Variants in H1-4 observed in about 807,000 individuals in gnomAD.
H1-4 encodes H1.4 linker histone, cluster member, also known as histone H1.4.
H1-4 carries 9 observed loss-of-function variants against 7.2 expected under a neutral mutation model. That is an observed-to-expected ratio of 1.25 (90% CI 0.75 to 2.18). The LOEUF (loss-of-function observed/expected upper bound fraction) is 2.18. Among genes scored for constraint, H1-4 ranks in the 30% most tolerant of loss-of-function variants. The pLI, the probability that H1-4 is intolerant of heterozygous loss-of-function variation, is 0.00. For missense variants in H1-4, 646 were observed against 287.9 expected, an observed-to-expected ratio of 2.24 and a Z score of -9.00; for synonymous variants, 318 against 126.6, an observed-to-expected ratio of 2.51 and a Z score of -10.15.
Position 26,157,114 on chromosome 6 carries a change from C to T in H1-4, c.*64C>T, listed in dbSNP as rs1310120623. On this transcript the variant is annotated 3_prime_UTR_variant, in exon 1 of 1. Transcript: ENST00000304218. ...CCCAAAGGCTCTTTTCAGAGCCACC[C>T]ACCGCTCTCAGTAAAAGAGCTGTTG... is the stretch of plus-strand genomic sequence containing the variant. 3 of 1,533,092 alleles carry T rather than the reference C, an allele frequency of 2.0e-6. No homozygotes were observed. Among genetic ancestry groups the T allele is most frequent in the East Asian group, 4.5e-5 (2 of 44,268 alleles). 95.0% of individuals were successfully genotyped at this position (1,533,092 alleles called of 1,614,324 possible). A position where few individuals can be genotyped will look rare whatever the true frequency, so the allele number is the denominator to read the frequency against.
chr6:26,157,003 A>C lies in H1-4; in HGVS notation c.613A>C (p.Lys205Gln), dbSNP rs770728012. The change falls in exon 1 of 1, where the codon AAG becomes CAG. Residue 205 changes from lysine (K) to glutamine (Q), a missense_variant. Lys to Gln is a moderately conservative substitution (Grantham distance 53). Transcript: ENST00000304218. ...KPKAAKPKTA[K>Q]PKAAKPKKAA... Reference sequence around the variant, plus strand: ...CAAGGCGGCTAAACCAAAGACCGCCAAGCCCAAGGCAGCCAAGCCAAAGAA... The same window carrying C: ...CAAGGCGGCTAAACCAAAGACCGCCCAGCCCAAGGCAGCCAAGCCAAAGAA... The C allele has an allele frequency of 5.6e-6, 9 of 1,600,728 alleles. No homozygotes were observed. The Admixed American group carries it at 7.2e-5, about 13-fold the overall frequency.
At position 26,156,873 on chromosome 6, in the gene H1-4, G is replaced by C; in HGVS notation, c.483G>C (p.Pro161=). ...AGACCCCAAAGAAGGCGAAGAAGCC[G>C]GCTGCAGCTGCTGGAGCCAAAAAAG... The part of the protein sequence containing the change: ...AKKTPKKAKK[P]AAAAGAKKAK... The change falls in exon 1 of 1, where the codon CCG becomes CCC. Residue 161 remains proline, a synonymous_variant. Coordinates refer to ENST00000304218, the MANE Select transcript of H1-4 (RefSeq NM_005321.3). 2 of 1,608,102 alleles carry C rather than the reference G, an allele frequency of 1.2e-6. No homozygotes were observed. The highest frequency in any genetic ancestry group is 1.7e-6 in the Non-Finnish European group (2 of 1,177,994).
In H1-4 at chr6:26,156,358, C is replaced by G. The variant is rs2298088; in HGVS notation, c.-33C>G. On this transcript the variant is annotated 5_prime_UTR_variant, in exon 1 of 1. Transcript: ENST00000304218. ...TCCCGGCCAGTGCCTCTGCTTCCGGCTCGAATTGCTCTCGCTCACGCTTGC... is the reference window on the plus strand; with the variant it reads ...TCCCGGCCAGTGCCTCTGCTTCCGGGTCGAATTGCTCTCGCTCACGCTTGC... The G allele has an allele frequency of 1.3e-6, 2 of 1,517,200 alleles. No homozygotes were observed. The highest frequency in any genetic ancestry group is 8.8e-7 in the Non-Finnish European group (1 of 1,137,642). 94.0% of individuals were successfully genotyped at this position (1,517,200 alleles called of 1,614,324 possible). A position where few individuals can be genotyped will look rare whatever the true frequency, so the allele number is the denominator to read the frequency against.
chr6:26,156,724 G>A lies in H1-4; in HGVS notation c.334G>A (p.Ala112Thr), dbSNP rs771584728. 5.0e-6 allele frequency: 8 copies of A among 1,614,062 alleles called. No homozygotes were observed. The Admixed American group carries it at 8.3e-5, about 17-fold the overall frequency. The change falls in exon 1 of 1, where the codon GCC (alanine) becomes ACC (threonine). Residue 112 changes from alanine to threonine, a missense_variant. Physicochemically the swap from Ala to Thr is moderately conservative, Grantham distance 58 (BLOSUM62 0). Coordinates refer to ENST00000304218, the MANE Select transcript of H1-4 (RefSeq NM_005321.3). Reference sequence around the variant, plus strand: ...TTCCTTCAAACTCAACAAGAAGGCGGCCTCTGGGGAAGCCAAGCCTAAGGC... The same window carrying A: ...TTCCTTCAAACTCAACAAGAAGGCGACCTCTGGGGAAGCCAAGCCTAAGGC... ...SGSFKLNKKA[A>T]SGEAKPKAKK...
Position 26,156,827 on chromosome 6 carries a change from C to A in H1-4, c.437C>A (p.Thr146Asn), listed in dbSNP as rs200744473. ...KKPKKATGAATPKKSAKKTPK... is the reference protein window; with the variant it reads ...KKPKKATGAANPKKSAKKTPK... ...CCCAAGAAGGCGACGGGGGCGGCCACCCCCAAGAAGAGCGCCAAGAAGACC... is the reference window on the plus strand; with the variant it reads ...CCCAAGAAGGCGACGGGGGCGGCCAACCCCAAGAAGAGCGCCAAGAAGACC... Residue 146 changes from threonine to asparagine, a missense_variant, in exon 1 of 1, where the codon ACC becomes AAC. Thr to Asn is a moderately conservative substitution (Grantham distance 65). Coordinates refer to ENST00000304218, the MANE Select transcript of H1-4 (RefSeq NM_005321.3). 1 of 1,606,826 alleles carries A rather than the reference C, an allele frequency of 6.2e-7. No individual in the cohort carries two copies. The highest frequency in any genetic ancestry group is 8.5e-7 in the Non-Finnish European group (1 of 1,176,870).
Position 26,156,642 on chromosome 6 carries a change from C to T in H1-4, c.252C>T (p.Leu84=), listed in dbSNP as rs758446293. 2.0e-5 allele frequency: 32 copies of T among 1,614,152 alleles called. No individual in the cohort carries two copies. The Admixed American group carries it at 4.5e-4, about 23-fold the overall frequency. The part of the protein sequence containing the change: ...EKNNSRIKLG[L]KSLVSKGTLV... ...ACAACAGCCGCATCAAGCTGGGTCTCAAGAGCCTGGTGAGCAAGGGCACCC... is the reference window on the plus strand; with the variant it reads ...ACAACAGCCGCATCAAGCTGGGTCTTAAGAGCCTGGTGAGCAAGGGCACCC... The change falls in exon 1 of 1, where the codon CTC becomes CTT. Residue 84 remains leucine (L), a synonymous_variant. Coordinates refer to ENST00000304218, the MANE Select transcript of H1-4 (RefSeq NM_005321.3).
At position 26,156,723 on chromosome 6, in the gene H1-4, G is replaced by C. The variant is rs749668689; in HGVS notation, c.333G>C (p.Ala111=). The part of the protein sequence containing the change: ...ASGSFKLNKK[A]ASGEAKPKAK... ...GTTCCTTCAAACTCAACAAGAAGGC[G>C]GCCTCTGGGGAAGCCAAGCCTAAGG... Residue 111 remains alanine, a synonymous_variant, in exon 1 of 1, where the codon GCG becomes GCC. Transcript: ENST00000304218. 22 of 1,614,070 alleles carry C rather than the reference G, an allele frequency of 1.4e-5. No homozygotes were observed. The Admixed American group carries it at 3.3e-4, about 24-fold the overall frequency.
Position 26,157,073 on chromosome 6 carries a change from T to A in H1-4, c.*23T>A, listed in dbSNP as rs759946389. ...TAGAAAGTTCCTTTGGCCAACTGCT[T>A]AGAAGCCCAACACAACCCAAAGGCT... On this transcript the variant is annotated 3_prime_UTR_variant, in exon 1 of 1. Transcript: ENST00000304218. 2 of 1,572,216 alleles carry A rather than the reference T, an allele frequency of 1.3e-6. No individual in the cohort carries two copies. The highest frequency in any genetic ancestry group is 1.7e-6 in the Non-Finnish European group (2 of 1,168,540).
At position 26,156,647 on chromosome 6, in the gene H1-4, G is replaced by C. The variant is rs1326715184; in HGVS notation, c.257G>C (p.Ser86Thr). Residue 86 changes from serine to threonine, a missense_variant, in exon 1 of 1, where the codon AGC becomes ACC. Coordinates refer to ENST00000304218, the MANE Select transcript of H1-4 (RefSeq NM_005321.3). The part of the protein sequence containing the change: ...NNSRIKLGLK[S>T]LVSKGTLVQT... ...AGCCGCATCAAGCTGGGTCTCAAGA[G>C]CCTGGTGAGCAAGGGCACCCTGGTG... 6 of 1,614,262 alleles carry C rather than the reference G, an allele frequency of 3.7e-6. No individual in the cohort carries two copies. Among genetic ancestry groups the C allele is most frequent in the South Asian group, 1.1e-5 (1 of 91,086 alleles).
In H1-4 at chr6:26,156,338, G is replaced by A; in HGVS notation, c.-53G>A. The A allele has an allele frequency of 1.4e-6, 2 of 1,479,196 alleles. No individual in the cohort carries two copies. Among genetic ancestry groups the A allele is most frequent in the East Asian group, 2.3e-5 (1 of 43,870 alleles). The allele number at this position is 1,479,196 out of a possible 1,614,324, so 91.6% of individuals were successfully genotyped here. Reference sequence around the variant, plus strand: ...GCGCAGCGCCGCGGCTCGAGTCCCGGCCAGTGCCTCTGCTTCCGGCTCGAA... The same window carrying A: ...GCGCAGCGCCGCGGCTCGAGTCCCGACCAGTGCCTCTGCTTCCGGCTCGAA... On this transcript the variant is annotated 5_prime_UTR_variant, in exon 1 of 1. Transcript: ENST00000304218.
In H1-4 at chr6:26,156,740, A is replaced by G. The variant is rs36026202; in HGVS notation, c.350A>G (p.Lys117Arg). The change falls in exon 1 of 1, where the codon AAG becomes AGG. Residue 117 changes from lysine to arginine, a missense_variant. Coordinates refer to ENST00000304218, the MANE Select transcript of H1-4 (RefSeq NM_005321.3). Reference sequence around the variant, plus strand: ...AAGAAGGCGGCCTCTGGGGAAGCCAAGCCTAAGGCTAAAAAGGCAGGCGCG... The same window carrying G: ...AAGAAGGCGGCCTCTGGGGAAGCCAGGCCTAAGGCTAAAAAGGCAGGCGCG... ...LNKKAASGEA[K>R]PKAKKAGAAK... The G allele has an allele frequency of 2.3e-5, 37 of 1,614,146 alleles. No homozygotes were observed. In the African/African-American group the frequency reaches 4.1e-4, roughly 18 times the overall value.
Position 26,157,111 on chromosome 6 carries a change from A to AC in H1-4, c.*64dup. The AC allele has an allele frequency of 6.5e-7, 1 of 1,536,566 alleles. No homozygotes were observed. Among genetic ancestry groups the AC allele is most frequent in the Non-Finnish European group, 8.7e-7 (1 of 1,150,020 alleles). On this transcript the variant is annotated 3_prime_UTR_variant, in exon 1 of 1. Coordinates refer to ENST00000304218, the MANE Select transcript of H1-4 (RefSeq NM_005321.3). ...CAACCCAAAGGCTCTTTTCAGAGCCACCCACCGCTCTCAGTAAAAGAGCTG... is the reference window on the plus strand; with the variant it reads ...CAACCCAAAGGCTCTTTTCAGAGCCACCCCACCGCTCTCAGTAAAAGAGCTG...
At position 26,156,526 on chromosome 6, in the gene H1-4, A is replaced by T; in HGVS notation, c.136A>T (p.Lys46Ter). ...SGPPVSELIT[K>*]AVAASKERSG... ...GCCCCCGGTGTCCGAGCTCATTACT[A>T]AAGCTGTTGCCGCCTCCAAGGAGCG... Residue 46 changes from lysine (K) to a stop codon, truncating the protein, a stop_gained, in exon 1 of 1, where the codon AAA becomes TAA. Transcript: ENST00000304218. LOFTEE classifies it high-confidence loss of function. The T allele has an allele frequency of 6.2e-7, 1 of 1,614,018 alleles. No homozygotes were observed. Among genetic ancestry groups the T allele is most frequent in the Non-Finnish European group, 8.5e-7 (1 of 1,179,972 alleles).
Position 26,156,381 on chromosome 6 carries a change from T to G in H1-4, c.-10T>G. 1.3e-6 allele frequency: 2 copies of G among 1,549,614 alleles called. No individual in the cohort carries two copies. The highest frequency in any genetic ancestry group is 2.7e-5 in the African/African-American group (2 of 72,808). On this transcript the variant is annotated 5_prime_UTR_variant, in exon 1 of 1. Transcript: ENST00000304218. ...GGCTCGAATTGCTCTCGCTCACGCTTGCCTTCAACATGTCCGAGACTGCGC... is the reference window on the plus strand; with the variant it reads ...GGCTCGAATTGCTCTCGCTCACGCTGGCCTTCAACATGTCCGAGACTGCGC...
rs764575681 is a variant in H1-4 at position 26,156,814 on chromosome 6, A to G, written c.424A>G (p.Thr142Ala). 2 of 1,608,030 alleles carry G rather than the reference A, an allele frequency of 1.2e-6. No homozygotes were observed. Among genetic ancestry groups the G allele is most frequent in the South Asian group, 1.1e-5 (1 of 90,670 alleles). The change falls in exon 1 of 1, where the codon ACG becomes GCG. Residue 142 changes from threonine (T) to alanine (A), a missense_variant. Physicochemically the swap from Thr to Ala is moderately conservative, Grantham distance 58. Coordinates refer to ENST00000304218, the MANE Select transcript of H1-4 (RefSeq NM_005321.3). Reference sequence around the variant, plus strand: ...AGCGGCGAAGAAGCCCAAGAAGGCGACGGGGGCGGCCACCCCCAAGAAGAG... The same window carrying G: ...AGCGGCGAAGAAGCCCAAGAAGGCGGCGGGGGCGGCCACCCCCAAGAAGAG... ...AGAAKKPKKA[T>A]GAATPKKSAK...
chr6:26,156,631 A>T lies in H1-4; in HGVS notation c.241A>T (p.Lys81Ter). Reference sequence around the variant, plus strand: ...CGTGGAGAAGAACAACAGCCGCATCAAGCTGGGTCTCAAGAGCCTGGTGAG... The same window carrying T: ...CGTGGAGAAGAACAACAGCCGCATCTAGCTGGGTCTCAAGAGCCTGGTGAG... ...YDVEKNNSRI[K>*]LGLKSLVSKG... The change falls in exon 1 of 1, where the codon AAG (lysine) becomes TAG (stop). Residue 81 changes from lysine (K) to a stop codon, truncating the protein, a stop_gained. Coordinates refer to ENST00000304218, the MANE Select transcript of H1-4 (RefSeq NM_005321.3). LOFTEE classifies it high-confidence loss of function. 6.2e-7 allele frequency: 1 copy of T among 1,614,236 alleles called. No individual in the cohort carries two copies. Among genetic ancestry groups the T allele is most frequent in the Non-Finnish European group, 8.5e-7 (1 of 1,180,038 alleles).
At position 26,156,926 on chromosome 6, in the gene H1-4, C is replaced by G. The variant is rs201313032; in HGVS notation, c.536C>G (p.Ala179Gly). 1.9e-5 allele frequency: 31 copies of G among 1,611,186 alleles called. No homozygotes were observed. The highest frequency in any genetic ancestry group is 2.4e-5 in the Non-Finnish European group (28 of 1,179,514). The part of the protein sequence containing the change: ...KAKSPKKAKA[A>G]KPKKAPKSPA... ...AAAAGCCCGAAAAAGGCGAAAGCAGCCAAGCCAAAAAAGGCGCCCAAGAGC... is the reference window on the plus strand; with the variant it reads ...AAAAGCCCGAAAAAGGCGAAAGCAGGCAAGCCAAAAAAGGCGCCCAAGAGC... Residue 179 changes from alanine (A) to glycine (G), a missense_variant, in exon 1 of 1, where the codon GCC (alanine) becomes GGC (glycine). Ala to Gly is a moderately conservative substitution (Grantham distance 60). Transcript: ENST00000304218.
At position 26,156,450 on chromosome 6, in the gene H1-4, G is replaced by A. The variant is rs748550045; in HGVS notation, c.60G>A (p.Val20=). ...CGGCCCCTGCCGAGAAGACTCCCGT[G>A]AAGAAGAAGGCCCGCAAGTCTGCAG... The part of the protein sequence containing the change: ...AAPAPAEKTP[V]KKKARKSAGA... Residue 20 remains valine, a synonymous_variant, in exon 1 of 1, where the codon GTG becomes GTA. Coordinates refer to ENST00000304218, the MANE Select transcript of H1-4 (RefSeq NM_005321.3). 131 of 1,610,988 alleles carry A rather than the reference G, an allele frequency of 8.1e-5. No homozygotes were observed. The highest frequency in any genetic ancestry group is 6.7e-4 in the Admixed American group (40 of 59,672).
chr6:26,156,541 T>G lies in H1-4; in HGVS notation c.151T>G (p.Ser51Ala). Residue 51 changes from serine (S) to alanine (A), a missense_variant, in exon 1 of 1, where the codon TCC becomes GCC. Ser to Ala is a moderately conservative substitution (Grantham distance 99). Transcript: ENST00000304218. ...GCTCATTACTAAAGCTGTTGCCGCC[T>G]CCAAGGAGCGCAGCGGCGTATCTTT... ...SELITKAVAA[S>A]KERSGVSLAA... 1 of 1,614,026 alleles carries G rather than the reference T, an allele frequency of 6.2e-7. No homozygotes were observed. The highest frequency in any genetic ancestry group is 8.5e-7 in the Non-Finnish European group (1 of 1,179,990).
Sources: allele counts gnomAD v4.1 joint callset, GRCh38; gene constraint gnomAD v4.1.1; transcripts MANE v1.5; gene names NCBI Gene and HGNC (gene_info 2026-07-23, HGNC 2026-07-21).